Variants in UAP1 observed in about 807,000 individuals in gnomAD.
UAP1 encodes UDP-N-acetylglucosamine pyrophosphorylase 1.
A neutral mutation model predicts 58.5 loss-of-function variants in UAP1; 25 were observed. That is an observed-to-expected ratio of 0.43 (90% CI 0.31 to 0.60). UAP1 has a LOEUF of 0.60. Among genes scored for constraint, UAP1 ranks in the 20% least tolerant of loss-of-function variants. UAP1 has a pLI of 0.11. For missense variants in UAP1, 575 were observed against 630.0 expected (o/e 0.91, Z 0.93); for synonymous variants, 208 against 213.0 (o/e 0.98, Z 0.21).
chr1:162,577,466 T>C (rs1425433711), intron 3 of UAP1, among the ~76,000 whole-genome samples: 1 of 134,262 alleles, frequency 7.4e-6, no homozygotes, highest in African/African-American at 3.1e-5. Context: ...TTTTTTTTTT[T>C]GAGACAGGGT....
intron 2 of UAP1, among the ~76,000 whole-genome samples, chr1:162,572,383 T>G (rs770201064): frequency 6.6e-6 from 1 of 152,240 alleles, no homozygotes; most frequent in Non-Finnish European, 1.5e-5. Context: ...CATACCTGGT[T>G]AGACCTATAG....
At chr1:162,599,421 A>G (rs1655808246) in exon 11 of UAP1, 7 of 1,106,846 alleles carry the variant, frequency 6.3e-6, no homozygotes, top group Admixed American at 5.7e-5. Context: ...TGATAGACCA[A>G]CTGTGAACCT....
intron 1 of UAP1, chr1:162,562,360 C>A (rs1360796808): frequency 6.6e-6 from 1 of 152,096 alleles, no homozygotes; most frequent in Non-Finnish European, 1.5e-5. Context: ...GACAGTGGGA[C>A]AAAACCTGTT....
chr1:162,589,157 T>A (rs1424738745), intron 7 of UAP1, among the ~76,000 whole-genome samples: 2 of 66,992 alleles, frequency 3.0e-5, no homozygotes, highest in Non-Finnish European at 5.7e-5. Flanking sequence ...TAATATATAT[T>A]ATATATAATA....
chr1:162,599,607 AC>A (rs1206629534), exon 11 of UAP1: 5 of 313,936 alleles, frequency 1.6e-5, no homozygotes, highest in Non-Finnish European at 2.9e-5. Context: ...AGCCAAGGAG[AC>A]CATTGGCCAT....
intron 1 of UAP1, among the ~76,000 whole-genome samples, chr1:162,563,763 T>C (rs186157078): frequency 6.6e-6 from 1 of 152,336 alleles, no homozygotes; most frequent in African/African-American, 2.4e-5. Context: ...TATCTTAAAA[T>C]GTTATAGTAA....
At chr1:162,578,370 A>G (rs1253087124) in intron 3 of UAP1, among the ~76,000 whole-genome samples, 3 of 152,156 alleles carry the variant, frequency 2.0e-5, no homozygotes, top group African/African-American at 4.8e-5. Flanking sequence ...TGGACTTACA[A>G]TCTATTTTGC....
chr1:162,581,657 T>G (rs986770614), intron 5 of UAP1, among the ~76,000 whole-genome samples, 198 bp downstream of exon 5: 1 of 152,216 alleles, frequency 6.6e-6, no homozygotes, highest in African/African-American at 2.4e-5. Flanking sequence ...GTTGTATACT[T>G]ATCACAGGTA....
intron 9 of UAP1, among the ~76,000 whole-genome samples, chr1:162,596,054 T>C (rs1053440538): frequency 1.3e-5 from 2 of 152,090 alleles, no homozygotes; most frequent in African/African-American, 2.4e-5. Flanking sequence ...GGTTTCACCA[T>C]GTTGGCCAGG....
At chr1:162,575,127 G>A (rs146456343) in intron 2 of UAP1, among the ~76,000 whole-genome samples, 1,607 of 152,276 alleles carry the variant, frequency 0.011, 24 homozygotes, top group African/African-American at 0.037. Context: ...AGGGTGCAGT[G>A]GCACGATCTC....
chr1:162,589,176 TTATA>T (rs536863556), intron 7 of UAP1, among the ~76,000 whole-genome samples: 3 of 95,996 alleles, frequency 3.1e-5, no homozygotes, highest in Non-Finnish European at 5.7e-5. Context: ...TATATAAATA[TTATA>T]TATAATATAT....
At chr1:162,575,317 C>T (rs1033402940) in intron 2 of UAP1, among the ~76,000 whole-genome samples, 1 of 152,064 alleles carries the variant, frequency 6.6e-6, no homozygotes, top group African/African-American at 2.4e-5. Flanking sequence ...AATCCTCCCG[C>T]CTTGGCCTTC....
chr1:162,587,107 A>G lies in UAP1; in HGVS notation c.835-368A>G, dbSNP rs112979444. Among the ~76,000 whole-genome samples the G allele has an allele frequency of 6.7e-3, 1,022 of 152,304 alleles. 11 individuals are homozygous for G. Among genetic ancestry groups the G allele is most frequent in the African/African-American group, 0.023 (959 of 41,562 alleles). On this transcript the variant is annotated intron_variant, in intron 5 of 10. Transcript: ENST00000271469. ...GAAATTTCATTTTATTTATTATGAA[A>G]GTAATTGAGGTGGTTAAGGATAAAT...
intron 2 of UAP1, 30 bp from the exon 3 acceptor site, chr1:162,576,747 G>A (rs1557969602): frequency 6.3e-7 from 1 of 1,597,156 alleles, no homozygotes; most frequent in Non-Finnish European, 8.6e-7. Context: ...AATTGTAGAG[G>A]TTTTGTGATA....
rs67627704 is a variant in UAP1 at position 162,577,435 on chromosome 1, C to CTTTTTTTTT, written c.485+477_485+485dup. 2.4e-4 allele frequency among the ~76,000 whole-genome samples: 23 copies of CTTTTTTTTT among 95,240 alleles called. 3 individuals are homozygous for CTTTTTTTTT. The highest frequency in any genetic ancestry group is 7.6e-4 in the African/African-American group (16 of 21,010). The allele number at this position is 95,240 out of a possible 152,430, so 62.5% of individuals were successfully genotyped here. A position where few individuals can be genotyped will look rare whatever the true frequency, so the allele number is the denominator to read the frequency against. On this transcript the variant is annotated intron_variant, in intron 3 of 10. Transcript: ENST00000271469. ...ACCTTGGTCAGTGTTAGTTCCTTCC[C>CTTTTTTTTT]TTTTTTTTTTTTTTTTTTTTTTTTT...
chr1:162,589,472 T>C (rs1343503160), intron 7 of UAP1, among the ~76,000 whole-genome samples: 1 of 150,792 alleles, frequency 6.6e-6, no homozygotes, highest in Non-Finnish European at 1.5e-5. Context: ...TGTAAAGTTG[T>C]TAAAGTCATT....
At chr1:162,581,402 GGCA>G in exon 5 of UAP1, 1 of 1,614,066 alleles carries the variant, frequency 6.2e-7, no homozygotes, top group Non-Finnish European at 8.5e-7. Context: ...TAGTAAAAGT[GGCA>G]GACCCACGGT....
At chr1:162,585,087 C>A (rs888429599) in intron 5 of UAP1, among the ~76,000 whole-genome samples, 3 of 151,918 alleles carry the variant, frequency 2.0e-5, no homozygotes, top group African/African-American at 7.3e-5. Context: ...GGCTAATTTA[C>A]CATGTTGGCC....
At chr1:162,582,680 C>G (rs1654660883) in intron 5 of UAP1, among the ~76,000 whole-genome samples, 1 of 152,120 alleles carries the variant, frequency 6.6e-6, no homozygotes, top group Admixed American at 6.5e-5. Flanking sequence ...AAAGGAAGAC[C>G]TTTCTACTGA....
Sources: gnomAD v4.1 joint callset for allele counts (sites outside exome capture counted in the v4.1 genomes callset) on GRCh38, gnomAD v4.1.1 for gene constraint, MANE v1.5 for transcripts, NCBI Gene and HGNC (gene_info 2026-07-23, HGNC 2026-07-21) for gene names.